SLC43A2: variants seen among roughly 807,000 people sequenced by gnomAD.
SLC43A2 encodes the protein solute carrier family 43 member 2, also known as large neutral amino acids transporter small subunit 4.
Under a neutral mutation model 63.2 loss-of-function variants are expected in SLC43A2, and 38 were observed. That is an observed-to-expected ratio of 0.60 (90% CI 0.46 to 0.79). The LOEUF (loss-of-function observed/expected upper bound fraction) is 0.79. Among genes scored for constraint, SLC43A2 ranks in the 30% least tolerant of loss-of-function variants. The pLI is 0.00. For missense variants in SLC43A2, 644 were observed against 756.2 expected (o/e 0.85, Z 1.74); for synonymous variants, 322 against 331.0 (o/e 0.97, Z 0.30).
chr17:1,604,472 T>G (rs1906393485), intron 5 of SLC43A2: 1 of 522,214 alleles, frequency 1.9e-6, no homozygotes, highest in African/African-American at 1.9e-5. Flanking sequence ...ACCTGCTCTG[T>G]TTCTGACCTG....
intron 10 of SLC43A2, among the ~76,000 whole-genome samples, chr17:1,584,454 G>A (rs2076070186): frequency 6.6e-6 from 1 of 152,136 alleles, no homozygotes; most frequent in South Asian, 2.1e-4. Flanking sequence ...TACTGTGCAT[G>A]GAGTCCTCGG....
Position 1,576,617 on chromosome 17 carries a change from G to C in SLC43A2, c.1528C>G (p.Leu510Val), listed in dbSNP as rs1220268471. 1.1e-5 allele frequency: 17 copies of C among 1,609,360 alleles called. No homozygotes were observed. Among genetic ancestry groups the C allele is most frequent in the Non-Finnish European group, 1.4e-5 (17 of 1,179,936 alleles). The stretch of plus-strand genomic sequence containing the variant: ...CTTACCCACAGAGGGTCTCCCTGGA[G>C]AGGACCCATCATGGCCAGAAACAGC... ...QPLFLAMMGP[L>V]QGDPLWVNVG... The change falls in exon 13 of 14, where the codon CTC becomes GTC. Residue 510 changes from leucine (L) to valine (V), a missense_variant. Physicochemically the swap from Leu to Val is conservative, Grantham distance 32 (BLOSUM62 1). Around this residue, in one of 3 missense-constraint regions of SLC43A2, gnomAD observed 105 missense variants for 101.7 expected, o/e 1.03. Coordinates refer to ENST00000301335, the MANE Select transcript of SLC43A2 (RefSeq NM_152346.3).
At chr17:1,594,801 GA>G (rs1435573987) in intron 5 of SLC43A2, among the ~76,000 whole-genome samples, 3 of 151,658 alleles carry the variant, frequency 2.0e-5, no homozygotes, top group Non-Finnish European at 4.4e-5. Flanking sequence ...CGTTAGCCAG[GA>G]TGGTCTGGAT....
downstream of SLC43A2, chr17:1,569,257 G>C (rs553933944): frequency 6.6e-6 from 1 of 152,458 alleles, no homozygotes; most frequent in South Asian, 2.1e-4. Context: ...CAAGGAGGAA[G>C]CCGCTCGCAG....
In SLC43A2 at chr17:1,605,047, G is replaced by A; in HGVS notation, c.501+8148C>T. 3.5e-6 allele frequency: 5 copies of A among 1,415,048 alleles called. No individual in the cohort carries two copies. The highest frequency in any genetic ancestry group is 2.9e-5 in the Admixed American group (1 of 34,736). 87.7% of individuals were successfully genotyped at this position (1,415,048 alleles called of 1,614,324 possible). On this transcript the variant is annotated intron_variant, in intron 5 of 13. Coordinates refer to ENST00000301335, the MANE Select transcript of SLC43A2 (RefSeq NM_152346.3). The surrounding 1 kb of genome is among the most constrained non-coding windows in gnomAD (Gnocchi z 4.9). ...GACCAGCTTTGCTGCCAAGCAGGAA[G>A]CCGGAGCTGTTTCCTGACTCACCAC...
Position 1,583,170 on chromosome 17 carries a change from C to T in SLC43A2, c.1350+34G>A. 6.2e-7 allele frequency: 1 copy of T among 1,605,418 alleles called. No homozygotes were observed. Among genetic ancestry groups the T allele is most frequent in the South Asian group, 1.1e-5 (1 of 90,944 alleles). On this transcript the variant is annotated intron_variant, in intron 11 of 13. Transcript: ENST00000301335. This position sits in a 1 kb window ranked among gnomAD's most constrained non-coding sequence, Gnocchi z 5.5. ...TTACATGTTCCTTCTGACTGCCCCACCTCCCACCTGCCCCTCCCACTCCCC... is the reference window on the plus strand; with the variant it reads ...TTACATGTTCCTTCTGACTGCCCCATCTCCCACCTGCCCCTCCCACTCCCC...
At chr17:1,624,350 A>C (rs1384198524) in intron 2 of SLC43A2, among the ~76,000 whole-genome samples, 1 of 152,114 alleles carries the variant, frequency 6.6e-6, no homozygotes, top group Non-Finnish European at 1.5e-5. Context: ...AGGCTGGTGG[A>C]TCACTTGAGC....
rs1364263374 is a variant in SLC43A2 at position 1,578,802 on chromosome 17, A to T, written c.1351-479T>A. The T allele has an allele frequency of 6.5e-6, 1 of 154,010 alleles. No homozygotes were observed. Among genetic ancestry groups the T allele is most frequent in the East Asian group, 2.0e-4 (1 of 4,954 alleles). 9.5% of individuals were successfully genotyped at this position (154,010 alleles called of 1,614,324 possible). A position where few individuals can be genotyped will look rare whatever the true frequency, so the allele number is the denominator to read the frequency against. On this transcript the variant is annotated intron_variant, in intron 11 of 13. Coordinates refer to ENST00000301335, the MANE Select transcript of SLC43A2 (RefSeq NM_152346.3). This position sits in a 1 kb window ranked among gnomAD's most constrained non-coding sequence, Gnocchi z 6.5. ...CTCAGCCTCCCAAAATGATGGGATT[A>T]CAGGCATGAGCCACTGCGCCCAGCC... is the stretch of plus-strand genomic sequence containing the variant.
At position 1,581,934 on chromosome 17, in the gene SLC43A2, G is replaced by A. The variant is rs569839234; in HGVS notation, c.1350+1270C>T. Among the ~76,000 whole-genome samples, 4 of 151,272 alleles carry A rather than the reference G, an allele frequency of 2.6e-5. No individual in the cohort carries two copies. In the South Asian group the frequency reaches 8.4e-4, roughly 32 times the overall value. Reference sequence around the variant, plus strand: ...AATTCTCCTGCCTCAGCCCTCCTGAGTAGCTGGGATTACAGGCATGTGCCA... The same window carrying A: ...AATTCTCCTGCCTCAGCCCTCCTGAATAGCTGGGATTACAGGCATGTGCCA... On this transcript the variant is annotated intron_variant, in intron 11 of 13. Transcript: ENST00000301335.
Position 1,627,784 on chromosome 17 carries a change from G to A in SLC43A2, c.91C>T (p.Leu31=), listed in dbSNP as rs1331592106. 1 of 1,599,332 alleles carries A rather than the reference G, an allele frequency of 6.3e-7. No individual in the cohort carries two copies. The highest frequency in any genetic ancestry group is 1.1e-5 in the South Asian group (1 of 88,588). Residue 31 remains leucine (L), a synonymous_variant, in exon 2 of 14, where the codon CTG becomes TTG. Coordinates refer to ENST00000301335, the MANE Select transcript of SLC43A2 (RefSeq NM_152346.3). Reference sequence around the variant, plus strand: ...ATGATGAGCAGCGAGCCCCAGCCCAGGAGGACTGCCGAGAAGAGGAGGTTC... The same window carrying A: ...ATGATGAGCAGCGAGCCCCAGCCCAAGAGGACTGCCGAGAAGAGGAGGTTC... ...LENLLFSAVL[L]GWGSLLIMLK...
intron 11 of SLC43A2, among the ~76,000 whole-genome samples, chr17:1,582,396 G>C (rs2076033208): frequency 6.6e-6 from 1 of 152,208 alleles, no homozygotes; most frequent in Non-Finnish European, 1.5e-5. Context: ...TTTGAATCCA[G>C]ATATGAAGCC....
chr17:1,627,866 G>A lies in SLC43A2; in HGVS notation c.9C>T (p.Pro3=). The A allele has an allele frequency of 1.9e-6, 3 of 1,569,324 alleles. No individual in the cohort carries two copies. Among genetic ancestry groups the A allele is most frequent in the Non-Finnish European group, 2.6e-6 (3 of 1,157,908 alleles). Residue 3 remains proline (P), a synonymous_variant, in exon 2 of 14, where the codon CCC becomes CCT. Transcript: ENST00000301335. ...GGCGCCGATGGGCAGTGGCCAGGGT[G>A]GGCGCCATGGTGCGGCGCGGCGCGG... MA[P]TLATAHRRRW...
rs1291071201 is a variant in SLC43A2, at chr17:1,606,017, A to C, written c.501+7178T>G. On this transcript the variant is annotated intron_variant, in intron 5 of 13. Transcript: ENST00000301335. The surrounding 1 kb of genome is among the most constrained non-coding windows in gnomAD (Gnocchi z 4.7). ...TCAGATGGCAAATTCTCCCCAAACC[A>C]ATGGCAAGTAGCTGACTGCCTGAGC... Among the ~76,000 whole-genome samples the C allele has an allele frequency of 1.3e-5, 2 of 152,102 alleles. No individual in the cohort carries two copies. The highest frequency in any genetic ancestry group is 4.8e-5 in the African/African-American group (2 of 41,426).
rs780047115 is a variant in SLC43A2, at chr17:1,575,565, A to G, written c.*39T>C. On this transcript the variant is annotated 3_prime_UTR_variant, in exon 14 of 14. Transcript: ENST00000301335. ...GGGGCAGGACAGGGGTCAGTCACTG[A>G]AGCACAGGCAGGAGACCGCAGTTCC... 15 of 1,613,760 alleles carry G rather than the reference A, an allele frequency of 9.3e-6. 1 individual carries two copies. In the South Asian group the frequency reaches 1.6e-4, roughly 18 times the overall value.
chr17:1,591,244 C>T (rs1362498053), intron 8 of SLC43A2, 25 bp downstream of exon 8: 2 of 1,598,554 alleles, frequency 1.3e-6, no homozygotes, highest in Middle Eastern at 1.9e-4. Flanking sequence ...CTGCCCGTCG[C>T]CCGGCTGCGG....
Position 1,578,246 on chromosome 17 carries a change from T to G in SLC43A2, c.1424+4A>C. On this transcript the variant is annotated splice_donor_region_variant and intron_variant, in intron 12 of 13. Coordinates refer to ENST00000301335, the MANE Select transcript of SLC43A2 (RefSeq NM_152346.3). The surrounding 1 kb of genome is among the most constrained non-coding windows in gnomAD (Gnocchi z 6.5). ...CCAGGCCACCTGCGGCTTCCAGGAC[T>G]TACACGGCAGCGTACAGGCCCCCGA... 6.2e-7 allele frequency: 1 copy of G among 1,612,572 alleles called. No homozygotes were observed. Among genetic ancestry groups the G allele is most frequent in the South Asian group, 1.1e-5 (1 of 91,054 alleles).
chr17:1,581,728 G>A (rs1438099277), intron 11 of SLC43A2, among the ~76,000 whole-genome samples: 1 of 152,130 alleles, frequency 6.6e-6, no homozygotes, highest in Non-Finnish European at 1.5e-5. Context: ...AGCCAGGCAG[G>A]TGACAAGGGC....
Position 1,593,905 on chromosome 17 carries a change from G to C in SLC43A2, c.502-626C>G, listed in dbSNP as rs1274180303. 6.6e-6 allele frequency among the ~76,000 whole-genome samples: 1 copy of C among 152,018 alleles called. No individual in the cohort carries two copies. The highest frequency in any genetic ancestry group is 1.5e-5 in the Non-Finnish European group (1 of 67,994). On this transcript the variant is annotated intron_variant, in intron 5 of 13. Coordinates refer to ENST00000301335, the MANE Select transcript of SLC43A2 (RefSeq NM_152346.3). The surrounding 1 kb of genome is among the most constrained non-coding windows in gnomAD (Gnocchi z 5.3). ...CCCAGGCTGGAGCGCAGTGGTGTGA[G>C]CTCGGCTCGTTGCAACCTCCGCCTC...
rs545800470 is a variant in SLC43A2, at chr17:1,605,390, C to G, written c.501+7805G>C. 5 of 250,088 alleles carry G rather than the reference C, an allele frequency of 2.0e-5. No homozygotes were observed. Among genetic ancestry groups the G allele is most frequent in the Admixed American group, 6.1e-5 (1 of 16,426 alleles). The allele number at this position is 250,088 out of a possible 1,614,324, so 15.5% of individuals were successfully genotyped here. ...TGCCTGCAGGGCCAAGGCCCTGGGA[C>G]AGTGCGGGCGCGGGAGCTTCTCTAA... On this transcript the variant is annotated intron_variant, in intron 5 of 13. Transcript: ENST00000301335. This position sits in a 1 kb window ranked among gnomAD's most constrained non-coding sequence, Gnocchi z 4.9.
Sources: gnomAD v4.1 joint callset for allele counts (sites outside exome capture counted in the v4.1 genomes callset) on GRCh38, gnomAD v4.1.1 for gene constraint, gnomAD v4.1.1 regional missense constraint, Gnocchi (gnomAD v3.1) non-coding constraint, MANE v1.5 for transcripts, NCBI Gene and HGNC (gene_info 2026-07-23, HGNC 2026-07-21) for gene names.